The following EXOC2 variants were observed in gnomAD, a reference collection of about 807,000 sequenced individuals.
The protein encoded by EXOC2 is exocyst complex component 2.
A neutral mutation model predicts 131.8 loss-of-function variants in EXOC2; 70 were observed. The observed-to-expected ratio is 0.53, with a 90% CI of 0.44 to 0.65. The LOEUF (loss-of-function observed/expected upper bound fraction) is 0.65. Ranked by LOEUF, EXOC2 falls within the 30% of genes least tolerant of loss-of-function variation. The pLI, the probability that EXOC2 is intolerant of heterozygous loss-of-function variation, is 0.00. For missense variants in EXOC2, 923 were observed against 1,108.6 expected (o/e 0.83, Z 2.38); for synonymous variants, 411 against 398.4 (o/e 1.03, Z -0.38).
intron 22 of EXOC2, among the ~76,000 whole-genome samples, chr6:536,841 C>T (rs187148722): frequency 6.6e-6 from 1 of 152,238 alleles, no homozygotes; most frequent in African/African-American, 2.4e-5. Context: ...CAAAATTAAA[C>T]AATTCTGTTC....
In EXOC2 at chr6:560,955, G is replaced by A. The variant is rs185258715; in HGVS notation, c.1851+1829C>T. ...ACTCCTGACCTCAGGTGATCCGCCC[G>A]CCTGAGCCTCTCAAAGTGCTGGGAT... On this transcript the variant is annotated intron_variant, in intron 17 of 27. Coordinates refer to ENST00000230449, the MANE Select transcript of EXOC2 (RefSeq NM_018303.6). Among the ~76,000 whole-genome samples the A allele has an allele frequency of 3.4e-3, 522 of 152,014 alleles. 6 individuals are homozygous for A. The highest frequency in any genetic ancestry group is 0.012 in the African/African-American group (488 of 41,450).
chr6:497,188 A>G (rs1186960190), intron 25 of EXOC2, among the ~76,000 whole-genome samples, 179 bp downstream of exon 25: 4 of 152,248 alleles, frequency 2.6e-5, no homozygotes, highest in Non-Finnish European at 5.9e-5. Context: ...AGAAACAGAA[A>G]CTCTGAAACT....
intron 13 of EXOC2, among the ~76,000 whole-genome samples, chr6:567,516 G>C (rs566494407): frequency 4.6e-5 from 7 of 152,144 alleles, no homozygotes; most frequent in African/African-American, 1.4e-4. Flanking sequence ...GAAGAGGAAA[G>C]GTCATGCTTA....
At position 633,709 on chromosome 6, in the gene EXOC2, G is replaced by A. The variant is rs57948451; in HGVS notation, c.119-592C>T. ...ATTACCATCTCACTTTTACATCGGTGTGTCAGCTGCTGGCATAGTAGTTCC... is the reference window on the plus strand; with the variant it reads ...ATTACCATCTCACTTTTACATCGGTATGTCAGCTGCTGGCATAGTAGTTCC... On this transcript the variant is annotated intron_variant, in intron 2 of 27. Coordinates refer to ENST00000230449, the MANE Select transcript of EXOC2 (RefSeq NM_018303.6). Among the ~76,000 whole-genome samples, 982 of 152,268 alleles carry A rather than the reference G, an allele frequency of 6.4e-3. 12 individuals carry two copies. Among genetic ancestry groups the A allele is most frequent in the African/African-American group, 0.022 (934 of 41,546 alleles).
rs1761095112 is a variant in EXOC2, at chr6:617,904, G to A, written c.537-69C>T. 2.6e-6 allele frequency: 4 copies of A among 1,545,614 alleles called. No individual in the cohort carries two copies. The African/African-American group carries it at 5.5e-5, about 21-fold the overall frequency. On this transcript the variant is annotated intron_variant, in intron 5 of 27. Transcript: ENST00000230449. ...CAAGAAAGAAAAAATAATTCCTTCA[G>A]TGGAGAACACTAAATATGCTAAAAC...
intron 25 of EXOC2, among the ~76,000 whole-genome samples, chr6:493,446 C>T (rs1214823634): frequency 1.3e-5 from 2 of 152,306 alleles, no homozygotes; most frequent in East Asian, 3.9e-4. Context: ...ACTACAAAAC[C>T]AATCTTCTGG....
At chr6:641,900 G>A (rs1762370093) in intron 1 of EXOC2, among the ~76,000 whole-genome samples, 1 of 151,884 alleles carries the variant, frequency 6.6e-6, no homozygotes, top group African/African-American at 2.4e-5. Flanking sequence ...CTAAAATATG[G>A]AGCTAATCAA....
chr6:525,263 C>T (rs747679687), intron 23 of EXOC2: 1 of 152,164 alleles, frequency 6.6e-6, no homozygotes, highest in East Asian at 1.9e-4. Flanking sequence ...TAAAAACTTT[C>T]TAAGTGTAAG....
At chr6:595,816 C>T (rs1450467955) in intron 10 of EXOC2, among the ~76,000 whole-genome samples, 1 of 152,080 alleles carries the variant, frequency 6.6e-6, no homozygotes, top group Non-Finnish European at 1.5e-5. Flanking sequence ...CTGGACACTA[C>T]GCTCAACCTC....
intron 1 of EXOC2, among the ~76,000 whole-genome samples, chr6:674,306 T>TA (rs372347988): frequency 6.6e-5 from 10 of 151,134 alleles, no homozygotes; most frequent in Admixed American, 2.0e-4. Context: ...AATAATTCTA[T>TA]AAAAAAAAAT....
At chr6:493,921 G>C (rs760031680) in intron 25 of EXOC2, among the ~76,000 whole-genome samples, 1 of 152,222 alleles carries the variant, frequency 6.6e-6, no homozygotes, top group Non-Finnish European at 1.5e-5. Flanking sequence ...TGCTGGTTTT[G>C]AGAGTGGTTT....
At chr6:605,488 G>A (rs947264874) in intron 7 of EXOC2, among the ~76,000 whole-genome samples, 17 of 152,126 alleles carry the variant, frequency 1.1e-4, no homozygotes, top group African/African-American at 3.6e-4. Flanking sequence ...GTTCATTTGC[G>A]TAGAGGTGTT....
At chr6:494,382 C>T (rs747845945) in intron 25 of EXOC2, among the ~76,000 whole-genome samples, 1 of 152,174 alleles carries the variant, frequency 6.6e-6, no homozygotes, top group African/African-American at 2.4e-5. Context: ...TCACTCAGTC[C>T]TGTAGTTCTG....
intron 13 of EXOC2, among the ~76,000 whole-genome samples, chr6:566,872 C>T (rs1455276372): frequency 6.6e-6 from 1 of 152,168 alleles, no homozygotes; most frequent in African/African-American, 2.4e-5. Context: ...CTGAAGCTTC[C>T]TCCAAGCATG....
Position 556,558 on chromosome 6 carries a change from G to A in EXOC2, c.1858C>T (p.Gln620Ter). 1.9e-6 allele frequency: 3 copies of A among 1,614,128 alleles called. No homozygotes were observed. The highest frequency in any genetic ancestry group is 2.5e-6 in the Non-Finnish European group (3 of 1,180,026). Residue 620 changes from glutamine to a stop codon, truncating the protein, a stop_gained, in exon 18 of 28, where the codon CAG becomes TAG. Coordinates refer to ENST00000230449, the MANE Select transcript of EXOC2 (RefSeq NM_018303.6). LOFTEE classifies it high-confidence loss of function. ...DNEGLTSLPC[Q>*]FEQCIVCSLQ... ...GAACACACGATGCACTGTTCAAACT[G>A]ACATGGCTGAAGGGAAAACAGCATA...
intron 6 of EXOC2, among the ~76,000 whole-genome samples, chr6:613,010 G>C (rs951097329): frequency 2.6e-5 from 4 of 152,110 alleles, no homozygotes; most frequent in African/African-American, 9.7e-5. Context: ...AAGGAGCTCA[G>C]GAAGGCCTTT....
At chr6:682,056 C>T (rs1416359027) in intron 1 of EXOC2, among the ~76,000 whole-genome samples, 1 of 152,210 alleles carries the variant, frequency 6.6e-6, no homozygotes, top group Non-Finnish European at 1.5e-5. Context: ...ATTGGTGAAA[C>T]TCCAGAAGGG....
chr6:689,079 T>G (rs1245934515), intron 1 of EXOC2: 1 of 152,208 alleles, frequency 6.6e-6, no homozygotes, highest in African/African-American at 2.4e-5. Flanking sequence ...TGTCACTGAG[T>G]GCTTAAGATG....
At chr6:553,770 A>C in intron 21 of EXOC2, 84 bp downstream of exon 21, 1 of 1,096,112 alleles carries the variant, frequency 9.1e-7, no homozygotes, top group Non-Finnish European at 1.4e-6. Flanking sequence ...TATAGCAAGG[A>C]TGCAGGAACA....
Sources: allele counts gnomAD v4.1 joint callset (sites outside exome capture counted in the v4.1 genomes callset), GRCh38; gene constraint gnomAD v4.1.1; transcripts MANE v1.5; gene names NCBI Gene and HGNC (gene_info 2026-07-23, HGNC 2026-07-21).